The following MCC variants were observed in gnomAD, a reference collection of about 807,000 sequenced individuals.
The protein encoded by MCC is colorectal mutant cancer protein.
A neutral mutation model predicts 116.2 loss-of-function variants in MCC; 90 were observed. The ratio of observed to expected loss-of-function variants is 0.77; its 90% CI spans 0.65 to 0.92. MCC has a LOEUF of 0.92. MCC is among the 40% of genes least tolerant of loss of function. The pLI is 0.00. For synonymous variants in MCC, 578 were observed against 510.5 expected (o/e 1.13, Z -1.78); for missense variants, 1,516 against 1,312.2 (o/e 1.16, Z -2.40).
At chr5:113,439,050 AC>A (rs1182923826) in intron 1 of MCC, among the ~76,000 whole-genome samples, 3 of 152,224 alleles carry the variant, frequency 2.0e-5, no homozygotes, top group Admixed American at 2.0e-4. Context: ...ACCAAAGGAC[AC>A]CAGGAACATA....
chr5:113,137,263 G>A (rs1342554877), intron 5 of MCC, among the ~76,000 whole-genome samples: 1 of 152,106 alleles, frequency 6.6e-6, no homozygotes, highest in Non-Finnish European at 1.5e-5. Context: ...TCGTTCTTAT[G>A]CTATCATAAG....
intron 1 of MCC, among the ~76,000 whole-genome samples, chr5:113,414,091 T>C (rs1041532909): frequency 1.3e-5 from 2 of 152,236 alleles, no homozygotes; most frequent in East Asian, 3.8e-4. Flanking sequence ...TTTGAGTGTG[T>C]TTCTTAATCC....
At chr5:113,109,138 A>G (rs776267075) in intron 6 of MCC, among the ~76,000 whole-genome samples, 4 of 152,180 alleles carry the variant, frequency 2.6e-5, no homozygotes, top group Admixed American at 6.5e-5. Context: ...TAAGTATAGG[A>G]GTAGAGTTGC....
At chr5:113,448,120 C>T (rs1771275060) in intron 1 of MCC, 1 of 152,234 alleles carries the variant, frequency 6.6e-6, no homozygotes, top group Admixed American at 6.5e-5. Context: ...TTAAATCTCA[C>T]AATAGGATTT....
chr5:113,060,753 T>A (rs911604210), intron 14 of MCC, among the ~76,000 whole-genome samples: 4 of 152,240 alleles, frequency 2.6e-5, no homozygotes, highest in Non-Finnish European at 5.9e-5. Context: ...TGAGGACATT[T>A]GAGCAGGAGG....
At chr5:113,388,073 C>T (rs577067929) in intron 1 of MCC, among the ~76,000 whole-genome samples, 5 of 152,252 alleles carry the variant, frequency 3.3e-5, no homozygotes, top group Admixed American at 2.0e-4. Flanking sequence ...TCTATCCAGG[C>T]TTGAGAAGCC....
chr5:113,274,351 A>T (rs1187446173), intron 3 of MCC, among the ~76,000 whole-genome samples: 1 of 152,070 alleles, frequency 6.6e-6, no homozygotes, highest in African/African-American at 2.4e-5. Flanking sequence ...AATTTTGACT[A>T]AAGATACTTT....
intron 6 of MCC, among the ~76,000 whole-genome samples, chr5:113,113,531 T>C (rs1167157388): frequency 6.6e-6 from 1 of 151,738 alleles, no homozygotes; most frequent in Non-Finnish European, 1.5e-5. Flanking sequence ...CAAGAGGACT[T>C]ATGAGAACAA....
chr5:113,133,316 T>A (rs1444416936), intron 5 of MCC, among the ~76,000 whole-genome samples: 1 of 152,176 alleles, frequency 6.6e-6, no homozygotes, highest in South Asian at 2.1e-4. Flanking sequence ...CAGCCTCTAA[T>A]AACCACCAAA....
At chr5:113,213,490 A>G (rs1372129453) in intron 3 of MCC, among the ~76,000 whole-genome samples, 1 of 152,320 alleles carries the variant, frequency 6.6e-6, no homozygotes, top group East Asian at 1.9e-4. Context: ...GGCAGTTCAC[A>G]GCAAGCAGTG....
intron 2 of MCC, among the ~76,000 whole-genome samples, chr5:113,369,970 T>C (rs1204793546): frequency 6.6e-6 from 1 of 152,198 alleles, no homozygotes; most frequent in African/African-American, 2.4e-5. Flanking sequence ...GAATGACTGA[T>C]AAGACTAAAC....
chr5:113,163,677 G>A (rs980226928), intron 3 of MCC, among the ~76,000 whole-genome samples: 1 of 152,126 alleles, frequency 6.6e-6, no homozygotes, highest in African/African-American at 2.4e-5. Flanking sequence ...CGCAGTATTT[G>A]TTGAACGGGT....
At position 113,027,391 on chromosome 5, in the gene MCC, GTC is replaced by G; in HGVS notation, c.2969_2970del (p.Arg990ThrfsTer2). 1 of 1,614,232 alleles carries G rather than the reference GTC, an allele frequency of 6.2e-7. No homozygotes were observed. The highest frequency in any genetic ancestry group is 2.2e-5 in the East Asian group (1 of 44,890). On this transcript the variant is annotated frameshift_variant, in exon 19 of 19. Transcript: ENST00000408903. LOFTEE classifies it high-confidence loss of function. Reference protein sequence around the residue: ...LESQMMAMVERHETQVRMLKQ... With the variant: ...LESQMMAMVEXHETQVRMLKQ... ...TTGAGCATCCTCACTTGGGTCTCAT[GTC>G]TCTCCACCATGGCCATCATCTGCGA...
chr5:113,255,750 G>C (rs57696719), intron 3 of MCC, among the ~76,000 whole-genome samples: 3,401 of 152,232 alleles, frequency 0.022, 86 homozygotes, highest in African/African-American at 0.063. Flanking sequence ...GCTAATCCCT[G>C]TGGTTACGTG....
chr5:113,426,289 A>G (rs1388953512), intron 1 of MCC, among the ~76,000 whole-genome samples: 1 of 152,114 alleles, frequency 6.6e-6, no homozygotes, highest in Non-Finnish European at 1.5e-5. Flanking sequence ...GCAAAACTAG[A>G]AACATGGGAG....
chr5:113,170,326 G>A (rs1251325481), intron 3 of MCC, among the ~76,000 whole-genome samples: 3 of 152,122 alleles, frequency 2.0e-5, no homozygotes, highest in Non-Finnish European at 2.9e-5. Flanking sequence ...ATCCATGGCA[G>A]AATCATCCTC....
intron 3 of MCC, chr5:113,294,748 T>C (rs1320220551): frequency 1.0e-6 from 1 of 991,732 alleles, no homozygotes; most frequent in East Asian, 1.1e-4. Context: ...CGCCCCCCAT[T>C]ACCAGGATGG....
rs146564211 is a variant in MCC, at chr5:113,260,171, C to T, written c.627+80348G>A. Among the ~76,000 whole-genome samples, 15 of 152,112 alleles carry T rather than the reference C, an allele frequency of 9.9e-5. 1 individual carries two copies. In the East Asian group the frequency reaches 2.9e-3, roughly 29 times the overall value. On this transcript the variant is annotated intron_variant, in intron 3 of 18. Transcript: ENST00000408903. ...AGGATCCGTTTACACCCTTAAATTACCAAGGACCCTAAAGAGTTCTTGTTA... is the reference window on the plus strand; with the variant it reads ...AGGATCCGTTTACACCCTTAAATTATCAAGGACCCTAAAGAGTTCTTGTTA...
At chr5:113,064,444 C>T (rs1379206844) in intron 13 of MCC, among the ~76,000 whole-genome samples, 1 of 152,226 alleles carries the variant, frequency 6.6e-6, no homozygotes, top group African/African-American at 2.4e-5. Flanking sequence ...TTTCTGTTTC[C>T]AGCTCTAACA....
Sources: gnomAD v4.1 joint callset for allele counts (sites outside exome capture counted in the v4.1 genomes callset) on GRCh38, gnomAD v4.1.1 for gene constraint, MANE v1.5 for transcripts, NCBI Gene and HGNC (gene_info 2026-07-23, HGNC 2026-07-21) for gene names.